SOX5: variants seen among roughly 807,000 people sequenced by gnomAD.
SOX5 encodes SRY-box transcription factor 5.
In SOX5, 9 loss-of-function variants were observed where a neutral mutation model predicts 92.0. The ratio of observed to expected loss-of-function variants is 0.10; its 90% CI spans 0.06 to 0.17. The LOEUF is 0.17. Ranked by LOEUF, SOX5 falls within the 10% of genes least tolerant of loss-of-function variation. The pLI, the probability that SOX5 is intolerant of heterozygous loss-of-function variation, is 1.00. For synonymous variants in SOX5, 344 were observed against 336.3 expected, an observed-to-expected ratio of 1.02 and a Z score of -0.25; for missense variants, 642 against 944.5, an observed-to-expected ratio of 0.68 and a Z score of 4.20.
chr12:23,534,171 G>T lies in SOX5; in HGVS notation c.*48C>A, dbSNP rs1054672949. ...CTTGGCCACTGGTAAGGATGAACCA[G>T]TTAGGGCTTCTTTAAGTCCTAAGGT... On this transcript the variant is annotated 3_prime_UTR_variant, in exon 15 of 15. Transcript: ENST00000451604. The T allele has an allele frequency of 9.9e-6, 15 of 1,515,846 alleles. No homozygotes were observed. The highest frequency in any genetic ancestry group is 1.4e-5 in the Non-Finnish European group (15 of 1,101,392). The allele number at this position is 1,515,846 out of a possible 1,614,324, so 93.9% of individuals were successfully genotyped here. A position where few individuals can be genotyped will look rare whatever the true frequency, so the allele number is the denominator to read the frequency against.
At chr12:24,525,173 A>G (rs1217979166) in intron 1 of SOX5, among the ~76,000 whole-genome samples, 2 of 152,242 alleles carry the variant, frequency 1.3e-5, no homozygotes, top group African/African-American at 4.8e-5. Context: ...GAATGAATAA[A>G]GAAAAAGTGA....
At chr12:23,856,131 T>C (rs975958009) in intron 2 of SOX5, among the ~76,000 whole-genome samples, 1 of 152,136 alleles carries the variant, frequency 6.6e-6, no homozygotes, top group Non-Finnish European at 1.5e-5. Context: ...ATTCACACTA[T>C]AAAGCAGAAT....
At chr12:24,116,863 T>A (rs1734296519) in intron 4 of SOX5, among the ~76,000 whole-genome samples, 1 of 152,014 alleles carries the variant, frequency 6.6e-6, no homozygotes, top group Non-Finnish European at 1.5e-5. Flanking sequence ...TTAACTGCCA[T>A]CTATAATGCG....
At chr12:24,027,010 T>C (rs576980577) in intron 4 of SOX5, among the ~76,000 whole-genome samples, 1 of 152,218 alleles carries the variant, frequency 6.6e-6, no homozygotes, top group South Asian at 2.1e-4. Context: ...AAATTGTTTC[T>C]GATTTAATAC....
chr12:23,989,085 T>C (rs946074394), intron 4 of SOX5, among the ~76,000 whole-genome samples: 3 of 151,920 alleles, frequency 2.0e-5, no homozygotes, highest in Non-Finnish European at 4.4e-5. Context: ...TGTGAATAAG[T>C]GGCTTAGGCC....
chr12:24,162,024 A>G (rs1053960157), intron 4 of SOX5, among the ~76,000 whole-genome samples: 16 of 152,138 alleles, frequency 1.1e-4, no homozygotes, highest in African/African-American at 3.9e-4. Flanking sequence ...AATGCTGAAG[A>G]CATTTTATTC....
chr12:24,085,024 T>C (rs539806891), intron 4 of SOX5, among the ~76,000 whole-genome samples: 5 of 152,246 alleles, frequency 3.3e-5, no homozygotes, highest in African/African-American at 1.2e-4. Flanking sequence ...ACAATGATTA[T>C]GTGAGACACA....
At chr12:24,293,020 C>G (rs977292262) in intron 2 of SOX5, among the ~76,000 whole-genome samples, 2 of 152,092 alleles carry the variant, frequency 1.3e-5, no homozygotes, top group Non-Finnish European at 2.9e-5. Context: ...ATAATGTAGA[C>G]CCAATAGATC....
chr12:24,199,342 T>C (rs558054336), intron 4 of SOX5, among the ~76,000 whole-genome samples: 1 of 152,356 alleles, frequency 6.6e-6, no homozygotes, highest in East Asian at 1.9e-4. Flanking sequence ...AGCACCAAAA[T>C]GTCGCAGTAA....
chr12:23,776,012 T>C (rs865970183), intron 3 of SOX5, among the ~76,000 whole-genome samples: 2 of 152,308 alleles, frequency 1.3e-5, no homozygotes, highest in South Asian at 4.1e-4. Context: ...CTCAGATCAC[T>C]AGGCATTAAT....
At chr12:24,088,316 T>C (rs1052749077) in intron 4 of SOX5, among the ~76,000 whole-genome samples, 2 of 152,090 alleles carry the variant, frequency 1.3e-5, no homozygotes, top group African/African-American at 4.8e-5. Flanking sequence ...TAAGCTGTCT[T>C]AGAATTGTCT....
chr12:24,386,283 A>G (rs1958403984), intron 1 of SOX5, among the ~76,000 whole-genome samples: 1 of 152,162 alleles, frequency 6.6e-6, no homozygotes, highest in Admixed American at 6.5e-5. Context: ...CTGCTACTTT[A>G]CAATCATTAT....
At chr12:24,070,850 T>C (rs1347051469) in intron 4 of SOX5, among the ~76,000 whole-genome samples, 1 of 152,146 alleles carries the variant, frequency 6.6e-6, no homozygotes, top group African/African-American at 2.4e-5. Flanking sequence ...TGCCAGATGG[T>C]TTATGCATGC....
chr12:24,180,210 C>T (rs534682749), intron 4 of SOX5, among the ~76,000 whole-genome samples: 4 of 152,200 alleles, frequency 2.6e-5, no homozygotes, highest in East Asian at 3.9e-4. Flanking sequence ...GGGATCCTCT[C>T]GCCTTGGCTT....
chr12:23,619,371 A>C (rs906218105), intron 8 of SOX5, among the ~76,000 whole-genome samples: 3 of 152,094 alleles, frequency 2.0e-5, no homozygotes, highest in Non-Finnish European at 2.9e-5. Flanking sequence ...AACCTTAGGG[A>C]ATAGGTATTA....
At chr12:23,668,241 A>C (rs1402972789) in intron 6 of SOX5, among the ~76,000 whole-genome samples, 2 of 152,218 alleles carry the variant, frequency 1.3e-5, no homozygotes, top group East Asian at 3.9e-4. Flanking sequence ...TTTAAACAAA[A>C]ACACACACAA....
intron 4 of SOX5, among the ~76,000 whole-genome samples, chr12:24,057,149 G>T (rs985488676): frequency 6.6e-6 from 1 of 151,780 alleles, no homozygotes; most frequent in Non-Finnish European, 1.5e-5. Flanking sequence ...ATAGATAAAA[G>T]AAGGAAAAAA....
chr12:24,398,889 ATT>A (rs71911745), intron 1 of SOX5, among the ~76,000 whole-genome samples: 10,528 of 152,162 alleles, frequency 0.069, 526 homozygotes, highest in African/African-American at 0.14. Flanking sequence ...TGCACTGGGT[ATT>A]ACCATGACCT....
chr12:23,985,233 T>G (rs1284948516), intron 4 of SOX5, among the ~76,000 whole-genome samples: 1 of 115,742 alleles, frequency 8.6e-6, no homozygotes, highest in Non-Finnish European at 1.9e-5. Flanking sequence ...ATTTTTTTAT[T>G]TTTTTGAATT....
Sources: allele counts gnomAD v4.1 joint callset (sites outside exome capture counted in the v4.1 genomes callset), GRCh38; gene constraint gnomAD v4.1.1; transcripts MANE v1.5; gene names NCBI Gene and HGNC (gene_info 2026-07-23, HGNC 2026-07-21).